Variants in SYNPR observed in about 807,000 individuals in gnomAD.
SYNPR encodes the protein synaptoporin.
A neutral mutation model predicts 32.9 loss-of-function variants in SYNPR; 23 were observed. The observed-to-expected ratio is 0.70, with a 90% CI of 0.50 to 0.99. The LOEUF (loss-of-function observed/expected upper bound fraction) is 0.99, where lower values mean the gene tolerates loss of function less well. Ranked by LOEUF, SYNPR falls within the 50% of genes least tolerant of loss-of-function variation. The probability of loss-of-function intolerance (pLI) is 0.00; values close to 1 mark genes in which losing one functional copy is unlikely to be tolerated. For synonymous variants in SYNPR, 146 were observed against 135.9 expected (o/e 1.07, Z -0.52); for missense variants, 318 against 349.3 (o/e 0.91, Z 0.71).
intron 3 of SYNPR, among the ~76,000 whole-genome samples, chr3:63,551,913 T>C (rs532340937): frequency 6.8e-6 from 1 of 146,482 alleles, no homozygotes; most frequent in African/African-American, 2.6e-5. Context: ...ATTTATTTAT[T>C]TGAGACGGAG....
chr3:63,561,288 T>A (rs963427619), intron 4 of SYNPR: 8 of 152,340 alleles, frequency 5.3e-5, no homozygotes, highest in African/African-American at 1.9e-4. Flanking sequence ...TGTGATGAGC[T>A]AATTTAATAC....
intron 3 of SYNPR, among the ~76,000 whole-genome samples, chr3:63,489,457 G>A (rs1048393747): frequency 2.0e-5 from 3 of 152,238 alleles, no homozygotes; most frequent in Middle Eastern, 3.4e-3. Flanking sequence ...AGAGAGATAC[G>A]GGTGGGCAAC....
intron 2 of SYNPR, among the ~76,000 whole-genome samples, chr3:63,412,605 T>C (rs1320616346): frequency 6.6e-6 from 1 of 152,114 alleles, no homozygotes; most frequent in African/African-American, 2.4e-5. Context: ...ATTTTAGGGT[T>C]GAGGCGCAGG....
At chr3:63,443,778 T>C (rs1279418652) in intron 2 of SYNPR, among the ~76,000 whole-genome samples, 3 of 152,222 alleles carry the variant, frequency 2.0e-5, no homozygotes, top group East Asian at 1.9e-4. Flanking sequence ...CATTCTACCC[T>C]ACCCCTCCTT....
chr3:63,587,110 C>T (rs1013779661), intron 4 of SYNPR, among the ~76,000 whole-genome samples: 3 of 151,742 alleles, frequency 2.0e-5, no homozygotes, highest in East Asian at 1.9e-4. Flanking sequence ...TTCAAATTAA[C>T]GTCAGAATCC....
chr3:63,445,530 T>C (rs183310607), intron 2 of SYNPR: 1 of 699,752 alleles, frequency 1.4e-6, no homozygotes, highest in Non-Finnish European at 2.6e-6. Context: ...AATCAGCTCC[T>C]CTCTTCTTTT....
intron 2 of SYNPR, among the ~76,000 whole-genome samples, chr3:63,305,644 C>T (rs1270360003): frequency 6.6e-6 from 1 of 151,904 alleles, no homozygotes; most frequent in Admixed American, 6.6e-5. Context: ...TGATTTAGTA[C>T]ATTAGGGGTG....
chr3:63,320,999 T>C (rs1412163585), intron 2 of SYNPR, among the ~76,000 whole-genome samples: 3 of 152,086 alleles, frequency 2.0e-5, no homozygotes, highest in South Asian at 2.1e-4. Context: ...CTAGAAAATA[T>C]GTATTCCAGA....
chr3:63,262,421 A>T (rs573139666), intron 2 of SYNPR, among the ~76,000 whole-genome samples: 3 of 152,154 alleles, frequency 2.0e-5, no homozygotes, highest in Non-Finnish European at 4.4e-5. Flanking sequence ...TGAGGAAGTT[A>T]TCTAGTGGCT....
At chr3:63,452,095 T>C (rs1282833871) in intron 2 of SYNPR, 1 of 702,296 alleles carries the variant, frequency 1.4e-6, no homozygotes, top group East Asian at 2.7e-5. Flanking sequence ...AAACGTTTTT[T>C]CTCTGGATCT....
chr3:63,361,810 A>G (rs1489114396), intron 2 of SYNPR, among the ~76,000 whole-genome samples: 1 of 147,144 alleles, frequency 6.8e-6, no homozygotes, highest in Admixed American at 6.9e-5. Flanking sequence ...ACATATTTCT[A>G]CACACATATA....
intron 2 of SYNPR, among the ~76,000 whole-genome samples, chr3:63,388,556 T>TGTGTGTGTG (rs2088086193): frequency 1.6e-5 from 2 of 128,018 alleles, no homozygotes; most frequent in Admixed American, 8.1e-5. Context: ...CCCGGCTAAT[T>TGTGTGTGTG]TGTGTGTGTG....
chr3:63,417,345 G>A (rs57195919), intron 2 of SYNPR, among the ~76,000 whole-genome samples: 3,200 of 152,328 alleles, frequency 0.021, 50 homozygotes, highest in Middle Eastern at 0.044. Context: ...GGGAAGCTCC[G>A]CCCCTGTGGC....
chr3:63,602,788 CAGCT>C (rs1285458787), intron 4 of SYNPR, among the ~76,000 whole-genome samples: 1 of 152,112 alleles, frequency 6.6e-6, no homozygotes, highest in Non-Finnish European at 1.5e-5. Flanking sequence ...GTAATACCTC[CAGCT>C]TTGTTCTTTT....
At position 63,476,188 on chromosome 3, in the gene SYNPR, GGAGGGAAGC is replaced by G. The variant is rs1258446581; in HGVS notation, c.85-4643_85-4635del. Among the ~76,000 whole-genome samples, 18 of 48,710 alleles carry G rather than the reference GGAGGGAAGC, an allele frequency of 3.7e-4. 2 individuals are homozygous for G. The highest frequency in any genetic ancestry group is 1.5e-3 in the East Asian group (2 of 1,316). 32.0% of individuals were successfully genotyped at this position (48,710 alleles called of 152,430 possible). A position where few individuals can be genotyped will look rare whatever the true frequency, so the allele number is the denominator to read the frequency against. On this transcript the variant is annotated intron_variant, in intron 2 of 5. Coordinates refer to ENST00000478300, the MANE Select transcript of SYNPR (RefSeq NM_001130003.2). The stretch of plus-strand genomic sequence containing the variant: ...GAGGGAGGGAGGGAAGGAAGGGAAG[GGAGGGAAGC>G]AAGGGAAGGAAGGAAGGAGGGAAGG...
At chr3:63,415,581 A>T (rs2088529380) in intron 2 of SYNPR, among the ~76,000 whole-genome samples, 1 of 152,234 alleles carries the variant, frequency 6.6e-6, no homozygotes, top group Non-Finnish European at 1.5e-5. Context: ...CCATTGTAGC[A>T]CAAAAGCAGC....
At chr3:63,412,026 T>C (rs1423439515) in intron 2 of SYNPR, among the ~76,000 whole-genome samples, 1 of 151,956 alleles carries the variant, frequency 6.6e-6, no homozygotes. Context: ...TAGATCAGGA[T>C]ACAGAACTGG....
intron 2 of SYNPR, among the ~76,000 whole-genome samples, chr3:63,355,944 C>G (rs2087572623): frequency 1.3e-5 from 2 of 152,208 alleles, no homozygotes; most frequent in African/African-American, 4.8e-5. Context: ...ACATCTGCTT[C>G]AGAGTCTTTA....
At chr3:63,360,297 C>T (rs560459004) in intron 2 of SYNPR, among the ~76,000 whole-genome samples, 4 of 152,234 alleles carry the variant, frequency 2.6e-5, no homozygotes, top group Admixed American at 2.6e-4. Context: ...AACTTATACC[C>T]TGATTCTGAC....
Sources: gnomAD v4.1 joint callset for allele counts (sites outside exome capture counted in the v4.1 genomes callset) on GRCh38, gnomAD v4.1.1 for gene constraint, MANE v1.5 for transcripts, NCBI Gene and HGNC (gene_info 2026-07-23, HGNC 2026-07-21) for gene names.